Variants in NLRP5 observed in about 807,000 individuals in gnomAD.
NLRP5 encodes the protein NACHT, LRR and PYD domains-containing protein 5.
Under a neutral mutation model 113.1 loss-of-function variants are expected in NLRP5, and 93 were observed. That is an observed-to-expected ratio of 0.82 (90% CI 0.70 to 0.98). The LOEUF (loss-of-function observed/expected upper bound fraction) is 0.98. NLRP5 is among the 50% of genes least tolerant of loss of function. The pLI, the probability that NLRP5 is intolerant of heterozygous loss-of-function variation, is 0.00. For synonymous variants in NLRP5, 751 were observed against 600.7 expected (o/e 1.25, Z -3.66); for missense variants, 1,808 against 1,514.3 (o/e 1.19, Z -3.22).
intron 3 of NLRP5, among the ~76,000 whole-genome samples, chr19:56,009,339 C>CAAAAAAAACAAAAAAAAAA (rs1982088338): frequency 2.3e-5 from 1 of 44,304 alleles, no homozygotes; most frequent in Non-Finnish European, 3.9e-5. Flanking sequence ...GACTCCATCT[C>CAAAAAAAACAAAAAAAAAA]AAAAAAAAAA....
chr19:56,044,113 G>C (rs369511030), intron 11 of NLRP5, among the ~76,000 whole-genome samples: 1 of 149,330 alleles, frequency 6.7e-6, no homozygotes, highest in Non-Finnish European at 1.5e-5. Context: ...ACCCAGGCTG[G>C]AGTGCAGTGG....
chr19:56,051,654 T>C (rs533741188), intron 12 of NLRP5, among the ~76,000 whole-genome samples: 1 of 152,302 alleles, frequency 6.6e-6, no homozygotes, highest in East Asian at 1.9e-4. Context: ...TGAGGATATG[T>C]CTATTATAAT....
chr19:56,015,904 C>G, intron 4 of NLRP5, 106 bp downstream of exon 4: 1 of 787,450 alleles, frequency 1.3e-6, no homozygotes, highest in Non-Finnish European at 2.0e-6. Context: ...CTTTCTTCAT[C>G]CTCATTTGTC....
chr19:56,015,914 C>A, intron 4 of NLRP5, 116 bp downstream of exon 4: 2 of 718,832 alleles, frequency 2.8e-6, no homozygotes, highest in Non-Finnish European at 4.4e-6. Flanking sequence ...CCTCATTTGT[C>A]TCTGGTGTGT....
At chr19:56,010,911 GGAGGCT>G (rs1982163923) in intron 3 of NLRP5, among the ~76,000 whole-genome samples, 2 of 151,572 alleles carry the variant, frequency 1.3e-5, no homozygotes, top group African/African-American at 4.9e-5. Flanking sequence ...CAGCACTTTG[GGAGGCT>G]GAGGCAGGCA....
intron 6 of NLRP5, among the ~76,000 whole-genome samples, chr19:56,024,515 GTATGTATATGTATACA>G (rs1392541134): frequency 1.4e-4 from 7 of 50,492 alleles, no homozygotes; most frequent in African/African-American, 3.7e-4. Flanking sequence ...ATGTATATGT[GTATGTATATGTATACA>G]TATGTATATG....
chr19:56,043,111 G>T (rs1459878675), intron 11 of NLRP5, among the ~76,000 whole-genome samples: 2 of 152,028 alleles, frequency 1.3e-5, no homozygotes, highest in Non-Finnish European at 2.9e-5. Context: ...TTTTTCTCTG[G>T]GTGGATGCCC....
chr19:56,011,364 AAG>A (rs1241659457), intron 3 of NLRP5, among the ~76,000 whole-genome samples: 1 of 152,110 alleles, frequency 6.6e-6, no homozygotes. Flanking sequence ...GGTGAGGACT[AAG>A]AGGGCAGGGT....
intron 6 of NLRP5, among the ~76,000 whole-genome samples, chr19:56,023,354 C>T (rs1982690159): frequency 6.6e-6 from 1 of 152,124 alleles, no homozygotes; most frequent in South Asian, 2.1e-4. Flanking sequence ...GGTGTGCTTC[C>T]CGTGGTTTCA....
chr19:56,036,811 G>A (rs1323998909), intron 9 of NLRP5, among the ~76,000 whole-genome samples: 4 of 152,106 alleles, frequency 2.6e-5, no homozygotes, highest in Non-Finnish European at 4.4e-5. Context: ...ACAAAAATTA[G>A]TCGGGCATGA....
intron 2 of NLRP5, 95 bp from the exon 3 acceptor site, chr19:56,008,693 C>T: frequency 4.7e-6 from 5 of 1,070,938 alleles, no homozygotes; most frequent in Middle Eastern, 2.0e-4. Context: ...GTCTTGGTTC[C>T]CCTCCATAAT....
At chr19:56,013,721 T>G (rs551955994) in intron 3 of NLRP5, among the ~76,000 whole-genome samples, 1 of 150,770 alleles carries the variant, frequency 6.6e-6, no homozygotes, top group African/African-American at 2.4e-5. Context: ...GTGGGTCATA[T>G]GGCAACTGTG....
intron 2 of NLRP5, among the ~76,000 whole-genome samples, chr19:56,006,115 G>A (rs1415938159): frequency 6.6e-6 from 1 of 152,174 alleles, no homozygotes; most frequent in Non-Finnish European, 1.5e-5. Flanking sequence ...ATGAGTTCAT[G>A]TCCTTTATAG....
At chr19:56,045,846 C>T (rs140274433) in intron 11 of NLRP5, among the ~76,000 whole-genome samples, 1 of 152,156 alleles carries the variant, frequency 6.6e-6, no homozygotes, top group Non-Finnish European at 1.5e-5. Context: ...GAGCATGTTA[C>T]AATGATAGAA....
At chr19:56,013,596 G>GTTTTTTTTTTTGTTTTTTTTTTTTTT (rs1982288189) in intron 3 of NLRP5, among the ~76,000 whole-genome samples, 1 of 59,284 alleles carries the variant, frequency 1.7e-5, no homozygotes, top group Non-Finnish European at 2.9e-5. Context: ...GGACATTTGG[G>GTTTTTTTTTTTGTTTTTTTTTTTTTT]TTTTTTTTTT....
chr19:56,046,647 T>C (rs1316469498), intron 11 of NLRP5, among the ~76,000 whole-genome samples: 1 of 151,978 alleles, frequency 6.6e-6, no homozygotes, highest in African/African-American at 2.4e-5. Flanking sequence ...TTCACACCAT[T>C]CTCCTGCCTC....
At chr19:56,008,761 C>T (rs746983357) in intron 2 of NLRP5, 27 bp from the exon 3 acceptor site, 5 of 1,584,878 alleles carry the variant, frequency 3.2e-6, no homozygotes, top group Admixed American at 3.6e-5. Context: ...TCATTGAGGC[C>T]AGTCTCCCTT....
Position 56,003,967 on chromosome 19 carries a change from A to C in NLRP5, c.314A>C (p.Asn105Thr). ...CCACAGTTTGAAATCGAGAATGCCA[A>C]CGTGGAATGTCTGGCACTCCTCTTG... Residue 105 changes from asparagine (N) to threonine (T), a missense_variant, in exon 2 of 15, where the codon AAC (asparagine) becomes ACC (threonine). Physicochemically the swap from Asn to Thr is moderately conservative, Grantham distance 65 (BLOSUM62 0). Transcript: ENST00000390649. The C allele has an allele frequency of 6.2e-7, 1 of 1,614,014 alleles. No homozygotes were observed. Among genetic ancestry groups the C allele is most frequent in the Non-Finnish European group, 8.5e-7 (1 of 1,179,884 alleles).
chr19:56,017,514 T>G (rs1382237081), intron 4 of NLRP5, among the ~76,000 whole-genome samples: 1 of 152,224 alleles, frequency 6.6e-6, no homozygotes, highest in Non-Finnish European at 1.5e-5. Flanking sequence ...CCCTTTTGTT[T>G]CCCCTTTGAC....
Sources: gnomAD v4.1 joint callset for allele counts (sites outside exome capture counted in the v4.1 genomes callset) on GRCh38, gnomAD v4.1.1 for gene constraint, MANE v1.5 for transcripts, NCBI Gene and HGNC (gene_info 2026-07-23, HGNC 2026-07-21) for gene names.